Variants in QTGAL observed in about 807,000 individuals in gnomAD.
QTGAL encodes BGnT-like protein 1.
the QTGAL span, among the ~76,000 whole-genome samples, chr17:83,014,184 C>A: frequency 6.6e-6 from 1 of 152,192 alleles, no homozygotes; most frequent in African/African-American, 2.4e-5. Flanking sequence ...ATGTCTAAGG[C>A]GCTCAGCTTC....
At chr17:83,008,982 G>A in the QTGAL span, among the ~76,000 whole-genome samples, 1 of 152,100 alleles carries the variant, frequency 6.6e-6, no homozygotes, top group African/African-American at 2.4e-5. Flanking sequence ...GACTTGCAAG[G>A]TGAACCCATC....
the QTGAL span, among the ~76,000 whole-genome samples, chr17:83,025,810 C>A: frequency 5.3e-5 from 8 of 152,264 alleles, no homozygotes; most frequent in African/African-American, 1.9e-4. Context: ...CTGGGACAGC[C>A]TGGCCCGGCA....
the QTGAL span, among the ~76,000 whole-genome samples, chr17:82,952,803 GAAA>G: frequency 6.6e-6 from 1 of 152,194 alleles, no homozygotes; most frequent in Non-Finnish European, 1.5e-5. Context: ...AATTGGAAGT[GAAA>G]CACTCCTCAG....
chr17:82,948,479 C>T, the QTGAL span: 1 of 152,290 alleles, frequency 6.6e-6, no homozygotes, highest in Admixed American at 6.5e-5. Context: ...CTGGCGTGGC[C>T]TCTGGGTGGG....
the QTGAL span, among the ~76,000 whole-genome samples, chr17:82,978,024 C>T: frequency 5.3e-5 from 8 of 152,290 alleles, no homozygotes; most frequent in African/African-American, 1.2e-4. The surrounding 1 kb of genome is among the most constrained non-coding windows in gnomAD (Gnocchi z 4.8). Context: ...GGTCACCATG[C>T]GACCCGGGCC....
At chr17:82,946,650 T>C in the QTGAL span, among the ~76,000 whole-genome samples, 2 of 151,624 alleles carry the variant, frequency 1.3e-5, no homozygotes, top group African/African-American at 2.4e-5. Context: ...AATTATAAAA[T>C]ATATAATGAA....
At chr17:82,959,335 GAT>G in the QTGAL span, among the ~76,000 whole-genome samples, 1 of 151,964 alleles carries the variant, frequency 6.6e-6, no homozygotes, top group East Asian at 1.9e-4. Flanking sequence ...GTACCGTGCA[GAT>G]GTGTGTACAT....
the QTGAL span, chr17:82,981,162 T>C: frequency 6.6e-6 from 1 of 152,198 alleles, no homozygotes; most frequent in Non-Finnish European, 1.5e-5. Context: ...AAACGCCAAA[T>C]CCATGATCCT....
At chr17:82,947,326 TCC>T in the QTGAL span, 31 of 297,150 alleles carry the variant, frequency 1.0e-4, no homozygotes, top group South Asian at 9.3e-4. Flanking sequence ...CCACCTTCCC[TCC>T]ACACACCCAC....
chr17:83,022,291 T>C, the QTGAL span, among the ~76,000 whole-genome samples: 1 of 149,118 alleles, frequency 6.7e-6, no homozygotes, highest in Non-Finnish European at 1.5e-5. Context: ...CCGCCCCACC[T>C]GCACCAGCGT....
chr17:82,948,295 G>C, the QTGAL span: 1 of 152,246 alleles, frequency 6.6e-6, no homozygotes, highest in Non-Finnish European at 1.5e-5. Context: ...CGAGCAGCTG[G>C]GCCCTCTGGC....
chr17:82,995,717 T>C, the QTGAL span, among the ~76,000 whole-genome samples: 2 of 152,022 alleles, frequency 1.3e-5, no homozygotes, highest in African/African-American at 4.8e-5. Flanking sequence ...CAGTGAACAA[T>C]TTGAAAAAGA....
At chr17:83,011,781 A>G in the QTGAL span, among the ~76,000 whole-genome samples, 1 of 152,338 alleles carries the variant, frequency 6.6e-6, no homozygotes, top group African/African-American at 2.4e-5. Context: ...GTTTAAAATC[A>G]TCGATGAAAA....
At chr17:83,034,005 A>G in the QTGAL span, among the ~76,000 whole-genome samples, 1 of 151,852 alleles carries the variant, frequency 6.6e-6, no homozygotes, top group African/African-American at 2.4e-5. Context: ...CAATGGCGCA[A>G]TCTTGGCTCA....
At chr17:82,991,176 A>C in the QTGAL span, among the ~76,000 whole-genome samples, 1 of 152,212 alleles carries the variant, frequency 6.6e-6, no homozygotes. Flanking sequence ...GGGTTAGCCA[A>C]AGATTTCTTA....
the QTGAL span, among the ~76,000 whole-genome samples, chr17:82,973,522 G>A: frequency 0.1 from 15,670 of 151,936 alleles, 925 homozygotes; most frequent in Non-Finnish European, 0.14. Flanking sequence ...AGCACATGAC[G>A]CCCGGGCAGG....
chr17:83,043,683 ACAAT>A, the QTGAL span, among the ~76,000 whole-genome samples: 1 of 149,318 alleles, frequency 6.7e-6, no homozygotes, highest in Non-Finnish European at 1.5e-5. Context: ...AAATAAACAA[ACAAT>A]GACAAAACAA....
chr17:82,996,730 T>C, the QTGAL span, among the ~76,000 whole-genome samples: 2 of 152,128 alleles, frequency 1.3e-5, no homozygotes, highest in East Asian at 1.9e-4. Flanking sequence ...AGAGAACCCA[T>C]AGATAAATCA....
At chr17:82,964,560 G>A in the QTGAL span, among the ~76,000 whole-genome samples, 697 of 148,516 alleles carry the variant, frequency 4.7e-3, 3 homozygotes, top group African/African-American at 0.016. Flanking sequence ...ACGGGGGGAC[G>A]GGGACACGGA....
Sources: allele counts gnomAD v4.1 joint callset (sites outside exome capture counted in the v4.1 genomes callset), GRCh38; gene constraint gnomAD v4.1.1; non-coding constraint Gnocchi (gnomAD v3.1); transcripts MANE v1.5; gene names NCBI Gene and HGNC (gene_info 2026-07-23, HGNC 2026-07-21).